Variants in HECW1 observed in about 807,000 individuals in gnomAD.
The protein encoded by HECW1 is E3 ubiquitin-protein ligase HECW1.
In HECW1, 61 loss-of-function variants were observed where a neutral mutation model predicts 182.3. The ratio of observed to expected loss-of-function variants is 0.33; its 90% CI spans 0.27 to 0.41. The LOEUF (loss-of-function observed/expected upper bound fraction) is 0.41, where lower values mean the gene tolerates loss of function less well. HECW1 is among the 10% of genes least tolerant of loss of function. The pLI is 1.00. For synonymous variants in HECW1, 859 were observed against 832.6 expected (o/e 1.03, Z -0.55); for missense variants, 1,739 against 2,108.9 (o/e 0.82, Z 3.44).
At chr7:43,115,657 G>T (rs957386966) in intron 2 of HECW1, among the ~76,000 whole-genome samples, 31 of 152,156 alleles carry the variant, frequency 2.0e-4, no homozygotes, top group Admixed American at 1.0e-3. Context: ...ATGCGCTATG[G>T]TAATTTTTAT....
At chr7:43,436,063 T>C (rs922087350) in intron 8 of HECW1, among the ~76,000 whole-genome samples, 2 of 150,092 alleles carry the variant, frequency 1.3e-5, no homozygotes, top group Non-Finnish European at 3.0e-5. Context: ...ACTCGGGAGG[T>C]TGAGGCAGGA....
chr7:43,453,793 C>T (rs1456229354), intron 12 of HECW1, among the ~76,000 whole-genome samples: 1 of 152,186 alleles, frequency 6.6e-6, no homozygotes, highest in Non-Finnish European at 1.5e-5. Flanking sequence ...GTACTGTTTT[C>T]AGGTGGCTCT....
rs112678392 is a variant in HECW1, at chr7:43,186,668, C to CAAAAA, written c.-31-57191_-31-57187dup. ...TGGGTGACAGAGCGAGACTCCGTCTCAAAAAAAAAAAAAAAAAAAAGGATT... is the reference window on the plus strand; with the variant it reads ...TGGGTGACAGAGCGAGACTCCGTCTCAAAAAAAAAAAAAAAAAAAAAAAAAGGATT... On this transcript the variant is annotated intron_variant, in intron 2 of 29. Coordinates refer to ENST00000395891, the MANE Select transcript of HECW1 (RefSeq NM_015052.5). Among the ~76,000 whole-genome samples the CAAAAA allele has an allele frequency of 4.3e-5, 4 of 93,504 alleles. No homozygotes were observed. The South Asian group carries it at 1.6e-3, about 37-fold the overall frequency. The allele number at this position is 93,504 out of a possible 152,430, so 61.3% of individuals were successfully genotyped here. A position where few individuals can be genotyped will look rare whatever the true frequency, so the allele number is the denominator to read the frequency against.
intron 5 of HECW1, among the ~76,000 whole-genome samples, chr7:43,335,775 TCTTCCTTTCTTC>T (rs1331816408): frequency 1.0e-4 from 11 of 109,610 alleles, no homozygotes; most frequent in Non-Finnish European, 2.0e-4. Flanking sequence ...CTTTTTTCTT[TCTTCCTTTCTTC>T]CTTCCTTCCT....
intron 21 of HECW1, among the ~76,000 whole-genome samples, chr7:43,506,809 G>A (rs769641881): frequency 6.6e-6 from 1 of 152,192 alleles, no homozygotes; most frequent in East Asian, 1.9e-4. Context: ...GTGCATGCCT[G>A]TAATCCCAGC....
intron 8 of HECW1, among the ~76,000 whole-genome samples, chr7:43,410,448 A>G (rs1308494115): frequency 6.6e-6 from 1 of 152,096 alleles, no homozygotes; most frequent in Non-Finnish European, 1.5e-5. Context: ...GCCTCTTAAT[A>G]CCATCACTTT....
At chr7:43,324,653 C>T (rs1349838680) in intron 5 of HECW1, among the ~76,000 whole-genome samples, 2 of 152,142 alleles carry the variant, frequency 1.3e-5, no homozygotes, top group Non-Finnish European at 2.9e-5. Flanking sequence ...TCTTTGCAGT[C>T]TCCCGGCAGT....
At chr7:43,358,552 G>C (rs777430844) in intron 5 of HECW1, among the ~76,000 whole-genome samples, 27 of 152,178 alleles carry the variant, frequency 1.8e-4, no homozygotes, top group Admixed American at 5.2e-4. Context: ...CCAGGTAATG[G>C]AAAACCTGAG....
At chr7:43,149,144 T>C (rs1160732571) in intron 2 of HECW1, among the ~76,000 whole-genome samples, 1 of 152,110 alleles carries the variant, frequency 6.6e-6, no homozygotes, top group Admixed American at 6.5e-5. Flanking sequence ...TATCAATGTA[T>C]CTCCCCCTTA....
chr7:43,183,698 G>A (rs1793083945), intron 2 of HECW1, among the ~76,000 whole-genome samples: 1 of 151,980 alleles, frequency 6.6e-6, no homozygotes, highest in Non-Finnish European at 1.5e-5. Context: ...TCAATCTATG[G>A]TTACAACTGA....
chr7:43,235,846 G>C (rs1007583246), intron 2 of HECW1, among the ~76,000 whole-genome samples: 1 of 152,072 alleles, frequency 6.6e-6, no homozygotes, highest in African/African-American at 2.4e-5. Flanking sequence ...CAGCTCTCTG[G>C]ATTCTAGATG....
intron 17 of HECW1, among the ~76,000 whole-genome samples, chr7:43,487,639 T>C (rs2078695683): frequency 6.6e-6 from 1 of 152,140 alleles, no homozygotes; most frequent in African/African-American, 2.4e-5. Flanking sequence ...GGAAAATCAG[T>C]CCTGTAGTCA....
chr7:43,440,293 G>A lies in HECW1; in HGVS notation c.944+2148G>A, dbSNP rs545504583. ...CTCCACCTGTACTGGCTGCCTCCCT[G>A]CCCTGAGATATTTGCACCTTTCCCC... On this transcript the variant is annotated intron_variant, in intron 9 of 29. Coordinates refer to ENST00000395891, the MANE Select transcript of HECW1 (RefSeq NM_015052.5). 3 of 152,686 alleles carry A rather than the reference G, an allele frequency of 2.0e-5. No individual in the cohort carries two copies. In the East Asian group the frequency reaches 5.8e-4, roughly 29 times the overall value. 9.5% of individuals were successfully genotyped at this position (152,686 alleles called of 1,614,324 possible). A position where few individuals can be genotyped will look rare whatever the true frequency, so the allele number is the denominator to read the frequency against.
chr7:43,310,322 T>G (rs1808341476), intron 3 of HECW1, among the ~76,000 whole-genome samples: 1 of 152,198 alleles, frequency 6.6e-6, no homozygotes, highest in African/African-American at 2.4e-5. Flanking sequence ...CTTCAGCGCT[T>G]TGCCAGTCTT....
chr7:43,423,486 T>C (rs2076261133), intron 8 of HECW1, among the ~76,000 whole-genome samples: 1 of 152,194 alleles, frequency 6.6e-6, no homozygotes, highest in East Asian at 1.9e-4. Context: ...AGACACACTG[T>C]TTGATATTCA....
intron 2 of HECW1, among the ~76,000 whole-genome samples, chr7:43,158,828 A>C (rs1033980443): frequency 6.6e-6 from 1 of 152,134 alleles, no homozygotes; most frequent in Admixed American, 6.5e-5. Flanking sequence ...ACTTTAAAAA[A>C]CCAATTCAAG....
At chr7:43,189,768 A>T (rs1400877859) in intron 2 of HECW1, among the ~76,000 whole-genome samples, 1 of 152,218 alleles carries the variant, frequency 6.6e-6, no homozygotes, top group Non-Finnish European at 1.5e-5. Flanking sequence ...TTACCAATGG[A>T]AGTTGATAAC....
At chr7:43,488,807 G>C (rs10240214) in intron 17 of HECW1, among the ~76,000 whole-genome samples, 54,823 of 151,922 alleles carry the variant, frequency 0.36, 10,974 homozygotes, top group South Asian at 0.51. Flanking sequence ...CCAACCAACC[G>C]TTTGCAGACA....
chr7:43,197,302 G>A (rs1321844531), intron 2 of HECW1, among the ~76,000 whole-genome samples: 6 of 152,156 alleles, frequency 3.9e-5, no homozygotes, highest in East Asian at 3.9e-4. Flanking sequence ...AAGAGGGAGC[G>A]GAATACCCCA....
Sources: allele counts gnomAD v4.1 joint callset (sites outside exome capture counted in the v4.1 genomes callset), GRCh38; gene constraint gnomAD v4.1.1; transcripts MANE v1.5; gene names NCBI Gene and HGNC (gene_info 2026-07-23, HGNC 2026-07-21).